CSMD1: variants seen among roughly 807,000 people sequenced by gnomAD.
CSMD1 encodes the protein CUB and sushi domain-containing protein 1.
CSMD1 carries 213 observed loss-of-function variants against 417.5 expected under a neutral mutation model. The ratio of observed to expected loss-of-function variants is 0.51; its 90% confidence interval spans 0.46 to 0.57. CSMD1 has a LOEUF of 0.57. Among genes scored for constraint, CSMD1 ranks in the 20% least tolerant of loss-of-function variants. The pLI is 0.00. For synonymous variants in CSMD1, 2,862 were observed against 1,736.8 expected (o/e 1.65, Z -16.11); for missense variants, 6,923 against 4,529.7 (o/e 1.53, Z -15.17).
intron 50 of CSMD1, among the ~76,000 whole-genome samples, chr8:3,039,675 C>T (rs147441864): frequency 7.9e-5 from 12 of 152,226 alleles, no homozygotes; most frequent in Non-Finnish European, 1.5e-4. Flanking sequence ...CATTTTACAA[C>T]CTTTAAGAAA....
At chr8:4,521,060 G>A (rs570651119) in intron 2 of CSMD1, among the ~76,000 whole-genome samples, 5 of 152,188 alleles carry the variant, frequency 3.3e-5, no homozygotes, top group South Asian at 2.1e-4. Context: ...GAAAATTTAT[G>A]AAAGATATTA....
chr8:3,702,589 G>C (rs573602957), intron 7 of CSMD1, among the ~76,000 whole-genome samples: 24 of 152,318 alleles, frequency 1.6e-4, no homozygotes, highest in African/African-American at 5.0e-4. Context: ...CCAGCACTTT[G>C]GGAGGCCGAG....
intron 3 of CSMD1, among the ~76,000 whole-genome samples, chr8:4,051,207 G>A (rs1457703259): frequency 6.6e-6 from 1 of 151,302 alleles, no homozygotes; most frequent in East Asian, 1.9e-4. Flanking sequence ...TGAGAGCACA[G>A]CCTCCCAGGG....
intron 2 of CSMD1, among the ~76,000 whole-genome samples, chr8:4,443,536 C>G (rs1178512809): frequency 2.0e-5 from 3 of 152,116 alleles, no homozygotes; most frequent in Non-Finnish European, 4.4e-5. Context: ...TAGAATTTCA[C>G]GAATGATATG....
chr8:4,191,108 T>A (rs1799000132), intron 3 of CSMD1, among the ~76,000 whole-genome samples: 1 of 149,328 alleles, frequency 6.7e-6, no homozygotes, highest in South Asian at 2.1e-4. Context: ...TGAAAAAAAT[T>A]CAACAAGGCC....
At chr8:3,726,854 C>A (rs1369465836) in intron 6 of CSMD1, among the ~76,000 whole-genome samples, 1 of 152,112 alleles carries the variant, frequency 6.6e-6, no homozygotes, top group South Asian at 2.1e-4. Flanking sequence ...GCAATGTCTC[C>A]CTGCCCAAAG....
chr8:3,850,050 C>G (rs545348514), intron 5 of CSMD1, among the ~76,000 whole-genome samples: 1 of 152,174 alleles, frequency 6.6e-6, no homozygotes. Flanking sequence ...CCAGCCTCAG[C>G]CTCTCAAAGT....
chr8:4,025,154 G>A (rs1796996370), intron 4 of CSMD1, among the ~76,000 whole-genome samples: 1 of 152,238 alleles, frequency 6.6e-6, no homozygotes, highest in Non-Finnish European at 1.5e-5. Context: ...TTCCATGGAT[G>A]TGAGCTCCTG....
At chr8:4,487,955 C>T (rs1325222304) in intron 2 of CSMD1, among the ~76,000 whole-genome samples, 4 of 152,134 alleles carry the variant, frequency 2.6e-5, no homozygotes, top group Non-Finnish European at 5.9e-5. Flanking sequence ...ATGTTTGCGT[C>T]CCTCCGAAAT....
chr8:3,296,091 A>C (rs1020422658), intron 25 of CSMD1, among the ~76,000 whole-genome samples: 42 of 152,138 alleles, frequency 2.8e-4, no homozygotes, highest in Middle Eastern at 3.4e-3. Flanking sequence ...GTAGGTGGTA[A>C]ATGCAATTGA....
intron 1 of CSMD1, among the ~76,000 whole-genome samples, chr8:4,740,467 G>A (rs999749193): frequency 6.6e-6 from 1 of 152,120 alleles, no homozygotes; most frequent in Non-Finnish European, 1.5e-5. Context: ...GAGACAGGCT[G>A]GGATGTGTTT....
chr8:4,569,407 T>C (rs111338215), intron 2 of CSMD1, among the ~76,000 whole-genome samples: 1 of 152,126 alleles, frequency 6.6e-6, no homozygotes. Flanking sequence ...GGAAATCCTT[T>C]CCCCATTGCT....
rs374451493 is a variant in CSMD1, at chr8:2,965,932, G to A, written c.9123C>T (p.Gly3041=). The A allele has an allele frequency of 3.7e-4, 598 of 1,607,772 alleles. 2 individuals are homozygous for A. The South Asian group carries it at 5.7e-3, about 15-fold the overall frequency. Residue 3041 remains glycine, a synonymous_variant, in exon 59 of 70, where the codon GGC becomes GGT. Coordinates refer to ENST00000635120, the MANE Select transcript of CSMD1 (RefSeq NM_033225.6). ...DCTIISCGDP[G]TLANGIQFGT... Reference sequence around the variant, plus strand: ...CAAACTGGATGCCATTTGCTAGTGTGCCTGGATCCCCACAACTTATAACTA... The same window carrying A: ...CAAACTGGATGCCATTTGCTAGTGTACCTGGATCCCCACAACTTATAACTA...
intron 6 of CSMD1, among the ~76,000 whole-genome samples, chr8:3,737,316 A>G (rs967883531): frequency 3.9e-5 from 6 of 152,180 alleles, no homozygotes; most frequent in Non-Finnish European, 1.5e-5. Context: ...GGAGGCAAAG[A>G]CAGCTGACCA....
At chr8:4,199,104 C>G (rs186641731) in intron 3 of CSMD1, among the ~76,000 whole-genome samples, 17 of 152,310 alleles carry the variant, frequency 1.1e-4, no homozygotes, top group African/African-American at 3.8e-4. Flanking sequence ...TCACCCTGAG[C>G]TTCTGCTGTC....
At chr8:4,084,241 C>T in intron 3 of CSMD1, among the ~76,000 whole-genome samples, 1 of 150,622 alleles carries the variant, frequency 6.6e-6, no homozygotes, top group East Asian at 2.0e-4. Flanking sequence ...TAATCCCTTA[C>T]TACAAAATAA....
intron 5 of CSMD1, among the ~76,000 whole-genome samples, chr8:3,929,865 T>C (rs1810020472): frequency 6.7e-6 from 1 of 149,948 alleles, no homozygotes. Flanking sequence ...TTTCACCATA[T>C]TGGTCCCGCT....
chr8:4,079,336 A>G (rs1192709480), intron 3 of CSMD1, among the ~76,000 whole-genome samples: 1 of 152,176 alleles, frequency 6.6e-6, no homozygotes, highest in Non-Finnish European at 1.5e-5. Context: ...CATCCCTTGG[A>G]ACGAAATATA....
chr8:4,275,361 C>G (rs141712016), intron 3 of CSMD1, among the ~76,000 whole-genome samples: 1 of 152,002 alleles, frequency 6.6e-6, no homozygotes, highest in Non-Finnish European at 1.5e-5. Context: ...AACTCAGTGC[C>G]AAGATTAAAG....
Sources: allele counts gnomAD v4.1 joint callset (sites outside exome capture counted in the v4.1 genomes callset), GRCh38; gene constraint gnomAD v4.1.1; transcripts MANE v1.5; gene names NCBI Gene and HGNC (gene_info 2026-07-23, HGNC 2026-07-21).